PRKCA: variants seen among roughly 807,000 people sequenced by gnomAD.
The protein encoded by PRKCA is protein kinase C alpha, also known as protein kinase C alpha type.
PRKCA carries 27 observed loss-of-function variants against 87.0 expected under a neutral mutation model. The observed-to-expected ratio is 0.31, with a 90% CI of 0.23 to 0.43. The LOEUF (loss-of-function observed/expected upper bound fraction) is 0.43, where lower values mean the gene tolerates loss of function less well. Ranked by LOEUF, PRKCA falls within the 20% of genes least tolerant of loss-of-function variation. PRKCA has a pLI of 1.00. For synonymous variants in PRKCA, 329 were observed against 311.1 expected, an observed-to-expected ratio of 1.06 and a Z score of -0.61; for missense variants, 518 against 852.3, an observed-to-expected ratio of 0.61 and a Z score of 4.88.
intron 3 of PRKCA, among the ~76,000 whole-genome samples, chr17:66,589,643 C>G (rs545354964): frequency 6.6e-6 from 1 of 152,166 alleles, no homozygotes; most frequent in Non-Finnish European, 1.5e-5. Flanking sequence ...TTGTTGTATA[C>G]CCTACAGGTG....
chr17:66,748,250 C>T (rs1298170998), intron 13 of PRKCA, among the ~76,000 whole-genome samples: 1 of 152,210 alleles, frequency 6.6e-6, no homozygotes, highest in Non-Finnish European at 1.5e-5. Context: ...GGAATGCCAG[C>T]CCACTGATGC....
chr17:66,493,331 C>A (rs369750553), intron 2 of PRKCA, among the ~76,000 whole-genome samples: 1 of 117,570 alleles, frequency 8.5e-6, no homozygotes, highest in South Asian at 2.5e-4. Flanking sequence ...GTGTGTATGT[C>A]TATTTTGTCA....
chr17:66,744,539 A>T (rs1974231732), intron 13 of PRKCA, among the ~76,000 whole-genome samples: 1 of 152,174 alleles, frequency 6.6e-6, no homozygotes, highest in South Asian at 2.1e-4. Flanking sequence ...TGTGTTCAGT[A>T]ACACCTCAGC....
chr17:66,535,469 T>G (rs540101684), intron 3 of PRKCA, among the ~76,000 whole-genome samples: 86 of 152,208 alleles, frequency 5.7e-4, no homozygotes, highest in Non-Finnish European at 1.1e-3. Flanking sequence ...CTGCTCCATC[T>G]TGGACCCAAA....
intron 3 of PRKCA, among the ~76,000 whole-genome samples, chr17:66,518,277 G>T (rs1967036951): frequency 6.6e-6 from 1 of 152,154 alleles, no homozygotes; most frequent in South Asian, 2.1e-4. Flanking sequence ...AAAGGAAAAT[G>T]TGATGTGTCT....
chr17:66,612,984 A>G (rs1970410387), intron 3 of PRKCA, among the ~76,000 whole-genome samples: 1 of 152,218 alleles, frequency 6.6e-6, no homozygotes, highest in Non-Finnish European at 1.5e-5. Context: ...GATTATGTTA[A>G]TTCAGAAGAA....
chr17:66,435,548 G>A (rs1345285607), intron 2 of PRKCA, among the ~76,000 whole-genome samples: 3 of 152,172 alleles, frequency 2.0e-5, no homozygotes, highest in African/African-American at 7.2e-5. Flanking sequence ...CAGGTAGCCT[G>A]TTTACTTAGC....
intron 8 of PRKCA, among the ~76,000 whole-genome samples, chr17:66,702,856 A>G (rs888541686): frequency 1.3e-5 from 2 of 152,236 alleles, no homozygotes; most frequent in African/African-American, 4.8e-5. Flanking sequence ...CTTCTATGCT[A>G]TAAACCTGTA....
rs753531016 is a variant in PRKCA, at chr17:66,804,051, G to C, written c.*14G>C. The C allele has an allele frequency of 6.3e-7, 1 of 1,593,272 alleles. No homozygotes were observed. The highest frequency in any genetic ancestry group is 2.3e-5 in the East Asian group (1 of 44,228). On this transcript the variant is annotated 3_prime_UTR_variant, in exon 17 of 17. Transcript: ENST00000413366. ...AGTGCAGTATGAAACTCACCAGCGA[G>C]AACAAACACCTCCCCAGCCCCCAGC...
chr17:66,360,086 A>G (rs544430689), intron 2 of PRKCA, among the ~76,000 whole-genome samples: 18 of 152,362 alleles, frequency 1.2e-4, no homozygotes, highest in Non-Finnish European at 2.1e-4. Context: ...GAATATTCAT[A>G]TCACTCAGAA....
At chr17:66,589,560 A>AT (rs1322310687) in intron 3 of PRKCA, among the ~76,000 whole-genome samples, 6 of 152,166 alleles carry the variant, frequency 3.9e-5, no homozygotes, top group Admixed American at 2.6e-4. Flanking sequence ...CTTCTTGTAC[A>AT]TGGATGTTTG....
chr17:66,442,905 C>T (rs1913846314), intron 2 of PRKCA, among the ~76,000 whole-genome samples: 1 of 152,218 alleles, frequency 6.6e-6, no homozygotes, highest in Non-Finnish European at 1.5e-5. Context: ...CTGTTTGCCT[C>T]AGAGCCGGTA....
At chr17:66,517,513 T>C (rs747132888) in intron 3 of PRKCA, among the ~76,000 whole-genome samples, 1 of 152,176 alleles carries the variant, frequency 6.6e-6, no homozygotes, top group Non-Finnish European at 1.5e-5. Context: ...CCCGTCCCTG[T>C]CCTCAGTGCT....
intron 2 of PRKCA, among the ~76,000 whole-genome samples, chr17:66,315,799 A>G (rs77703440): frequency 0.1 from 15,353 of 152,228 alleles, 1,119 homozygotes; most frequent in East Asian, 0.22. Context: ...TTTTCAATTC[A>G]GTAGCACTTA....
chr17:66,524,721 G>A (rs115094218), intron 3 of PRKCA, among the ~76,000 whole-genome samples: 244 of 152,316 alleles, frequency 1.6e-3, no homozygotes, highest in African/African-American at 5.3e-3. Flanking sequence ...ACAGAGCTTA[G>A]GTTACAGTGC....
intron 2 of PRKCA, among the ~76,000 whole-genome samples, chr17:66,418,015 G>A (rs966070887): frequency 6.6e-6 from 1 of 152,178 alleles, no homozygotes; most frequent in Admixed American, 6.5e-5. Context: ...TTTGAGCGTG[G>A]ACCTCTTCAT....
chr17:66,615,494 G>A (rs1481320335), intron 3 of PRKCA, among the ~76,000 whole-genome samples: 1 of 152,126 alleles, frequency 6.6e-6, no homozygotes, highest in East Asian at 1.9e-4. Context: ...TAGAACTACA[G>A]CCTTGTAAGT....
At chr17:66,325,641 C>T (rs1007501452) in intron 2 of PRKCA, among the ~76,000 whole-genome samples, 1 of 152,084 alleles carries the variant, frequency 6.6e-6, no homozygotes, top group Non-Finnish European at 1.5e-5. Context: ...AACAGCAAGT[C>T]AGGAGGCTAA....
intron 8 of PRKCA, among the ~76,000 whole-genome samples, chr17:66,693,933 T>C (rs546242095): frequency 6.6e-6 from 1 of 152,318 alleles, no homozygotes; most frequent in South Asian, 2.1e-4. Context: ...AATCAAATCC[T>C]AGTTTAGTCA....
Sources: gnomAD v4.1 joint callset for allele counts (sites outside exome capture counted in the v4.1 genomes callset) on GRCh38, gnomAD v4.1.1 for gene constraint, MANE v1.5 for transcripts, NCBI Gene and HGNC (gene_info 2026-07-23, HGNC 2026-07-21) for gene names.